The following PDE4D variants were observed in gnomAD, a reference collection of about 807,000 sequenced individuals.
The protein encoded by PDE4D is 3',5'-cyclic-AMP phosphodiesterase 4D.
A neutral mutation model predicts 87.4 loss-of-function variants in PDE4D; 24 were observed. The observed-to-expected ratio is 0.27, with a 90% CI of 0.20 to 0.39. The LOEUF is 0.39. Ranked by LOEUF, PDE4D falls within the 10% of genes least tolerant of loss-of-function variation. PDE4D has a pLI of 1.00. For missense variants in PDE4D, 714 were observed against 1,041.0 expected (o/e 0.69, Z 4.32); for synonymous variants, 384 against 383.2 (o/e 1.00, Z -0.02).
intron 1 of PDE4D, among the ~76,000 whole-genome samples, chr5:59,763,327 TAATAA>T (rs1372357559): frequency 6.6e-6 from 1 of 151,320 alleles, no homozygotes; most frequent in Non-Finnish European, 1.5e-5. Flanking sequence ...AGTATAATAA[TAATAA>T]AATAAAAAAT....
At chr5:60,387,260 C>G (rs1212776989) in intron 1 of PDE4D, among the ~76,000 whole-genome samples, 1 of 152,228 alleles carries the variant, frequency 6.6e-6, no homozygotes, top group African/African-American at 2.4e-5. Flanking sequence ...CCACTGCAGG[C>G]AGCCAAGGAG....
intron 1 of PDE4D, among the ~76,000 whole-genome samples, chr5:59,396,288 A>G (rs1789401722): frequency 9.6e-6 from 1 of 104,698 alleles, no homozygotes; most frequent in Non-Finnish European, 1.9e-5. Flanking sequence ...TGTCAGATTC[A>G]CCAAAGTTGA....
intron 1 of PDE4D, among the ~76,000 whole-genome samples, chr5:59,710,926 A>G (rs1411201688): frequency 6.6e-6 from 1 of 152,204 alleles, no homozygotes; most frequent in Non-Finnish European, 1.5e-5. Flanking sequence ...ATAAGGTACC[A>G]TAACTCCATG....
intron 1 of PDE4D, among the ~76,000 whole-genome samples, chr5:60,318,407 T>C (rs370328411): frequency 9.9e-5 from 15 of 152,266 alleles, no homozygotes; most frequent in East Asian, 5.8e-4. Flanking sequence ...TTCCTGAATA[T>C]AGCACACTGA....
At chr5:60,462,164 C>G (rs933930571) in intron 1 of PDE4D, among the ~76,000 whole-genome samples, 1 of 152,162 alleles carries the variant, frequency 6.6e-6, no homozygotes, top group East Asian at 1.9e-4. Flanking sequence ...GGGACAACTT[C>G]CCTTCTAGAC....
intron 1 of PDE4D, among the ~76,000 whole-genome samples, chr5:59,434,375 C>A: frequency 6.6e-6 from 1 of 151,784 alleles, no homozygotes; most frequent in Non-Finnish European, 1.5e-5. Flanking sequence ...ATTGACTGAA[C>A]GATTTCCCCT....
At chr5:59,272,948 C>T (rs1338793796) in intron 1 of PDE4D, among the ~76,000 whole-genome samples, 1 of 152,016 alleles carries the variant, frequency 6.6e-6, no homozygotes, top group Non-Finnish European at 1.5e-5. Flanking sequence ...CAACAAACTT[C>T]CAAACGTAAT....
chr5:59,576,127 G>C (rs1186067807), intron 1 of PDE4D, among the ~76,000 whole-genome samples: 2 of 152,006 alleles, frequency 1.3e-5, no homozygotes, highest in African/African-American at 4.8e-5. Context: ...ATATTTATTG[G>C]ATACTTACTG....
chr5:60,445,265 C>T (rs973175172), intron 1 of PDE4D, among the ~76,000 whole-genome samples: 3 of 152,058 alleles, frequency 2.0e-5, no homozygotes, highest in Non-Finnish European at 2.9e-5. Flanking sequence ...AACTGCATTA[C>T]AGTAATTAAA....
chr5:59,352,522 T>C (rs1033000539), intron 1 of PDE4D, among the ~76,000 whole-genome samples: 1 of 152,178 alleles, frequency 6.6e-6, no homozygotes, highest in African/African-American at 2.4e-5. Context: ...TGCAGTTTGG[T>C]TGGGCAATCA....
At chr5:59,490,096 T>C (rs144160652) in intron 1 of PDE4D, among the ~76,000 whole-genome samples, 1 of 152,176 alleles carries the variant, frequency 6.6e-6, no homozygotes, top group Non-Finnish European at 1.5e-5. Flanking sequence ...GACTCTCTCA[T>C]ATGGCTACAA....
chr5:60,047,130 T>G (rs1769375340), intron 2 of PDE4D, among the ~76,000 whole-genome samples: 1 of 152,256 alleles, frequency 6.6e-6, no homozygotes, highest in Non-Finnish European at 1.5e-5. Context: ...ATCCATTTCT[T>G]CTAGATTTTC....
At chr5:58,994,703 C>T (rs1580165272) in intron 6 of PDE4D, among the ~76,000 whole-genome samples, 1 of 152,044 alleles carries the variant, frequency 6.6e-6, no homozygotes, top group South Asian at 2.1e-4. Flanking sequence ...AACTCTATAC[C>T]GTTTGCTAAA....
intron 1 of PDE4D, among the ~76,000 whole-genome samples, chr5:59,786,155 G>C (rs931713880): frequency 6.6e-6 from 1 of 152,102 alleles, no homozygotes; most frequent in Non-Finnish European, 1.5e-5. Context: ...CATGTGTCTG[G>C]AAAGTTCCAT....
intron 1 of PDE4D, among the ~76,000 whole-genome samples, chr5:59,285,135 T>G (rs1306389156): frequency 1.5e-5 from 2 of 135,674 alleles, no homozygotes; most frequent in Non-Finnish European, 3.1e-5. Context: ...GTGGGTGCAG[T>G]GCACCAGCAT....
chr5:60,246,399 C>T (rs938146794), intron 1 of PDE4D, among the ~76,000 whole-genome samples: 1 of 151,710 alleles, frequency 6.6e-6, no homozygotes, highest in Non-Finnish European at 1.5e-5. Context: ...TTCCTGTGCT[C>T]TCCTTCTAGA....
intron 6 of PDE4D, among the ~76,000 whole-genome samples, chr5:59,014,123 A>G (rs1269349593): frequency 6.6e-6 from 1 of 152,200 alleles, no homozygotes; most frequent in Non-Finnish European, 1.5e-5. Flanking sequence ...CTCTCAATAA[A>G]TTCGGTATTG....
chr5:60,038,049 G>GA (rs1377463582), intron 2 of PDE4D, among the ~76,000 whole-genome samples: 1 of 151,984 alleles, frequency 6.6e-6, no homozygotes, highest in East Asian at 1.9e-4. Flanking sequence ...AGTAGGTCGC[G>GA]AAAATTTTCT....
chr5:60,308,819 T>C (rs1174363328), intron 1 of PDE4D, among the ~76,000 whole-genome samples: 1 of 152,140 alleles, frequency 6.6e-6, no homozygotes, highest in Non-Finnish European at 1.5e-5. Context: ...GATTCGAATT[T>C]GAAAATCCTC....
Sources: gnomAD v4.1 joint callset for allele counts (sites outside exome capture counted in the v4.1 genomes callset) on GRCh38, gnomAD v4.1.1 for gene constraint, MANE v1.5 for transcripts, NCBI Gene and HGNC (gene_info 2026-07-23, HGNC 2026-07-21) for gene names.